Variants in LARGE1 observed in about 807,000 individuals in gnomAD.
LARGE1 encodes LARGE xylosyl- and glucuronyltransferase 1.
Under a neutral mutation model 87.6 loss-of-function variants are expected in LARGE1, and 43 were observed. The observed-to-expected ratio is 0.49, with a 90% CI of 0.38 to 0.63. The LOEUF (loss-of-function observed/expected upper bound fraction) is 0.63, where lower values mean the gene tolerates loss of function less well. Ranked by LOEUF, LARGE1 falls within the 30% of genes least tolerant of loss-of-function variation. The pLI is 0.00. For synonymous variants in LARGE1, 434 were observed against 394.6 expected, an observed-to-expected ratio of 1.10 and a Z score of -1.18; for missense variants, 802 against 1,000.2, an observed-to-expected ratio of 0.80 and a Z score of 2.67.
At chr22:33,597,036 A>T (rs1206970978) in intron 5 of LARGE1, among the ~76,000 whole-genome samples, 1 of 152,142 alleles carries the variant, frequency 6.6e-6, no homozygotes, top group South Asian at 2.1e-4. Flanking sequence ...TCCATGAGAC[A>T]TATCTATGTC....
chr22:33,478,913 A>C (rs1389075622), intron 6 of LARGE1, among the ~76,000 whole-genome samples: 1 of 152,034 alleles, frequency 6.6e-6, no homozygotes, highest in Non-Finnish European at 1.5e-5. Context: ...GTACCGGGGG[A>C]CTTAGACCTT....
chr22:33,609,256 G>A (rs1414469496), intron 4 of LARGE1, among the ~76,000 whole-genome samples: 3 of 152,196 alleles, frequency 2.0e-5, no homozygotes, highest in South Asian at 2.1e-4. Context: ...ACATGGATGC[G>A]CCGCTGTGCT....
intron 1 of LARGE1, among the ~76,000 whole-genome samples, chr22:33,786,028 G>A (rs2085629618): frequency 6.6e-6 from 1 of 152,164 alleles, no homozygotes; most frequent in Admixed American, 6.6e-5. Flanking sequence ...ATTGCCTGGA[G>A]GCCAAGTCTG....
chr22:33,655,949 G>A (rs2080947647), intron 2 of LARGE1, among the ~76,000 whole-genome samples: 1 of 152,126 alleles, frequency 6.6e-6, no homozygotes, highest in Non-Finnish European at 1.5e-5. Flanking sequence ...AAAGAGCTGA[G>A]CTTAAATTAT....
the LARGE1 span, among the ~76,000 whole-genome samples, chr22:33,111,973 G>A: frequency 1.1e-4 from 17 of 152,218 alleles, no homozygotes; most frequent in African/African-American, 4.1e-4. Context: ...TAGCTGGAAC[G>A]TAGAATATGG....
At chr22:33,726,505 C>T (rs1022964504) in intron 2 of LARGE1, among the ~76,000 whole-genome samples, 5 of 152,160 alleles carry the variant, frequency 3.3e-5, no homozygotes, top group Non-Finnish European at 5.9e-5. Flanking sequence ...CAATATTCAC[C>T]GTACAAATCC....
chr22:33,111,749 T>G, the LARGE1 span, among the ~76,000 whole-genome samples: 3 of 152,188 alleles, frequency 2.0e-5, no homozygotes, highest in Non-Finnish European at 2.9e-5. Flanking sequence ...AGCTCCCTCA[T>G]CTGTAGGGGG....
chr22:33,126,165 G>A, the LARGE1 span, among the ~76,000 whole-genome samples: 2 of 152,356 alleles, frequency 1.3e-5, no homozygotes, highest in African/African-American at 4.8e-5. Flanking sequence ...ATGTGCTTAT[G>A]TGGCTGCAAA....
At chr22:33,572,037 G>A in intron 5 of LARGE1, 1 of 409,704 alleles carries the variant, frequency 2.4e-6, no homozygotes, top group South Asian at 2.0e-5. Context: ...TGTAAAAAGG[G>A]TAATAGTAGT....
chr22:33,632,604 G>A (rs1316154359), intron 3 of LARGE1, among the ~76,000 whole-genome samples: 1 of 151,992 alleles, frequency 6.6e-6, no homozygotes, highest in African/African-American at 2.4e-5. Flanking sequence ...CTGCCTCTGT[G>A]TTGCCTCCCC....
At chr22:33,548,318 C>T (rs1168022569) in intron 6 of LARGE1, among the ~76,000 whole-genome samples, 1 of 152,212 alleles carries the variant, frequency 6.6e-6, no homozygotes. Flanking sequence ...CTCCTTGAGG[C>T]CTCCCAAGAA....
At chr22:33,305,828 A>G (rs1934802241) in intron 11 of LARGE1, among the ~76,000 whole-genome samples, 4 of 139,672 alleles carry the variant, frequency 2.9e-5, no homozygotes. Context: ...GACCAGAAAC[A>G]TTTCTTTTTC....
At position 33,514,704 on chromosome 22, in the gene LARGE1, G is replaced by A. The variant is rs541472570; in HGVS notation, c.787+50144C>T. Among the ~76,000 whole-genome samples the A allele has an allele frequency of 1.2e-4, 18 of 152,196 alleles. No individual in the cohort carries two copies. The South Asian group carries it at 1.9e-3, about 16-fold the overall frequency. On this transcript the variant is annotated intron_variant, in intron 6 of 14. Transcript: ENST00000397394. ...CCTACGGATATGAAGGGACAACTACGTGTATATATATATCATATAGCCTTC... is the reference window on the plus strand; with the variant it reads ...CCTACGGATATGAAGGGACAACTACATGTATATATATATCATATAGCCTTC...
intron 6 of LARGE1, among the ~76,000 whole-genome samples, chr22:33,506,953 C>T (rs1184553060): frequency 1.3e-5 from 2 of 152,106 alleles, no homozygotes; most frequent in African/African-American, 2.4e-5. Flanking sequence ...GCAGACTGTA[C>T]CCCCAGACTT....
At chr22:33,489,213 A>T (rs2069716108) in intron 6 of LARGE1, among the ~76,000 whole-genome samples, 1 of 152,114 alleles carries the variant, frequency 6.6e-6, no homozygotes, top group South Asian at 2.1e-4. Context: ...TAAGATACAT[A>T]ATGACAAATG....
chr22:33,355,897 G>C (rs902936667), intron 9 of LARGE1, among the ~76,000 whole-genome samples: 4 of 152,164 alleles, frequency 2.6e-5, no homozygotes, highest in Non-Finnish European at 5.9e-5. Context: ...GTAATCAAAG[G>C]GGAGTCTTTC....
chr22:33,148,228 A>T, the LARGE1 span, among the ~76,000 whole-genome samples: 1 of 152,170 alleles, frequency 6.6e-6, no homozygotes, highest in Non-Finnish European at 1.5e-5. Context: ...GTTCTCTATA[A>T]ATTACCCAGT....
the LARGE1 span, among the ~76,000 whole-genome samples, chr22:33,125,447 ATT>A: frequency 5.6e-3 from 809 of 144,266 alleles, 9 homozygotes; most frequent in African/African-American, 0.018. Context: ...CCTGCTTTCA[ATT>A]TTTTTTTTTT....
intron 2 of LARGE1, among the ~76,000 whole-genome samples, chr22:33,746,926 C>T (rs918715803): frequency 6.6e-6 from 1 of 152,134 alleles, no homozygotes; most frequent in Admixed American, 6.5e-5. Flanking sequence ...AGAAGAGAGG[C>T]ACTTGTTCAA....
Sources: allele counts gnomAD v4.1 joint callset (sites outside exome capture counted in the v4.1 genomes callset), GRCh38; gene constraint gnomAD v4.1.1; transcripts MANE v1.5; gene names NCBI Gene and HGNC (gene_info 2026-07-23, HGNC 2026-07-21).